RNLS: variants seen among roughly 807,000 people sequenced by gnomAD.
RNLS encodes renalase.
Under a neutral mutation model 39.8 loss-of-function variants are expected in RNLS, and 39 were observed. The ratio of observed to expected loss-of-function variants is 0.98; its 90% CI spans 0.76 to 1.28. RNLS has a LOEUF of 1.28. RNLS is among the 50% of genes most tolerant of loss of function. The pLI is 0.00. For missense variants in RNLS, 410 were observed against 413.3 expected, an observed-to-expected ratio of 0.99 and a Z score of 0.07; for synonymous variants, 147 against 150.7, an observed-to-expected ratio of 0.98 and a Z score of 0.18.
At chr10:88,418,234 T>C (rs10736351) in intron 4 of RNLS, among the ~76,000 whole-genome samples, 109,192 of 151,964 alleles carry the variant, frequency 0.72, 40,652 homozygotes, top group African/African-American at 0.93. Context: ...TTTCTTGCAA[T>C]AAATTAGTTA....
chr10:88,282,476 AATACACACACAC>A (rs1443765489), downstream of RNLS, among the ~76,000 whole-genome samples: 1 of 102,756 alleles, frequency 9.7e-6, no homozygotes, highest in East Asian at 2.7e-4. Flanking sequence ...GAAAAGTGAA[AATACACACACAC>A]ACACACACAC....
At chr10:88,333,482 C>T (rs1847264362) in intron 5 of RNLS, among the ~76,000 whole-genome samples, 2 of 152,110 alleles carry the variant, frequency 1.3e-5, no homozygotes, top group African/African-American at 4.8e-5. Flanking sequence ...ATAACGGAAA[C>T]ACAATCTTAC....
chr10:88,539,114 C>T lies in RNLS; in HGVS notation c.526+33789G>A, dbSNP rs140353227. Among the ~76,000 whole-genome samples the T allele has an allele frequency of 1.8e-4, 27 of 152,096 alleles. No individual in the cohort carries two copies. In the South Asian group the frequency reaches 4.2e-3, roughly 23 times the overall value. Reference sequence around the variant, plus strand: ...AAGATGGACAATGGATAAATTAATCCGCAAATTCAGGCAATTTTAGAGAGG... The same window carrying T: ...AAGATGGACAATGGATAAATTAATCTGCAAATTCAGGCAATTTTAGAGAGG... On this transcript the variant is annotated intron_variant, in intron 4 of 6. Transcript: ENST00000331772.
intron 4 of RNLS, among the ~76,000 whole-genome samples, chr10:88,519,404 A>G (rs985008659): frequency 2.6e-5 from 4 of 151,770 alleles, no homozygotes; most frequent in African/African-American, 9.7e-5. Flanking sequence ...AATCTTATAA[A>G]AACAACATAT....
intron 4 of RNLS, among the ~76,000 whole-genome samples, chr10:88,402,801 C>T (rs1461201871): frequency 2.6e-5 from 4 of 151,880 alleles, no homozygotes; most frequent in African/African-American, 7.2e-5. Context: ...CAAGCAGTTA[C>T]GAATGAGATA....
At chr10:88,577,532 C>A (rs1005727580) in intron 3 of RNLS, among the ~76,000 whole-genome samples, 1 of 152,140 alleles carries the variant, frequency 6.6e-6, no homozygotes, top group African/African-American at 2.4e-5. Context: ...TTAGAAACTA[C>A]ATACGTAAAG....
the RNLS span, among the ~76,000 whole-genome samples, chr10:88,236,410 GGTTTA>G: frequency 6.6e-5 from 10 of 152,168 alleles, no homozygotes; most frequent in Admixed American, 6.5e-4. Context: ...AAGCCTTGAT[GGTTTA>G]GCTTTCTTTT....
chr10:88,450,451 C>G (rs1210415770), intron 4 of RNLS, among the ~76,000 whole-genome samples: 1 of 152,156 alleles, frequency 6.6e-6, no homozygotes, highest in South Asian at 2.1e-4. Context: ...CACACTCCAG[C>G]AGGGTGTGAA....
At position 88,383,883 on chromosome 10, in the gene RNLS, T is replaced by C. The variant is rs553951188; in HGVS notation, c.527-21158A>G. On this transcript the variant is annotated intron_variant, in intron 4 of 6. Coordinates refer to ENST00000331772, the MANE Select transcript of RNLS (RefSeq NM_001031709.3). ...CTCATTATGAATCAGCATTAACAGA[T>C]GGGCATGGGCAATTGATTCTGATGA... 3.3e-5 allele frequency among the ~76,000 whole-genome samples: 5 copies of C among 152,244 alleles called. No individual in the cohort carries two copies. In the South Asian group the frequency reaches 1.0e-3, roughly 32 times the overall value.
intron 5 of RNLS, among the ~76,000 whole-genome samples, chr10:88,328,811 G>A (rs559934633): frequency 2.6e-5 from 4 of 152,080 alleles, no homozygotes; most frequent in Admixed American, 6.5e-5. Flanking sequence ...CATGAAAAGC[G>A]TCTTTCTTGG....
chr10:88,344,494 C>T (rs1359588064), intron 5 of RNLS, among the ~76,000 whole-genome samples: 4 of 151,884 alleles, frequency 2.6e-5, no homozygotes, highest in East Asian at 3.9e-4. Flanking sequence ...GGAAAAACAA[C>T]GATTGGATCT....
the RNLS span, among the ~76,000 whole-genome samples, chr10:88,207,491 T>C: frequency 6.6e-6 from 1 of 152,280 alleles, no homozygotes; most frequent in Admixed American, 6.5e-5. Flanking sequence ...ACTACACAGG[T>C]ACTAGAATAG....
intron 4 of RNLS, among the ~76,000 whole-genome samples, chr10:88,415,861 TGGA>T (rs1339631901): frequency 2.6e-5 from 4 of 152,316 alleles, no homozygotes; most frequent in African/African-American, 7.2e-5. Context: ...GATCAGGTGG[TGGA>T]GGAGAAGATA....
intron 4 of RNLS, among the ~76,000 whole-genome samples, chr10:88,517,190 A>G (rs1024275023): frequency 1.3e-5 from 2 of 152,102 alleles, no homozygotes; most frequent in Non-Finnish European, 2.9e-5. Flanking sequence ...CATCTGGGAA[A>G]CAATTATGAA....
At chr10:88,542,783 T>C (rs1409637743) in intron 4 of RNLS, among the ~76,000 whole-genome samples, 4 of 152,106 alleles carry the variant, frequency 2.6e-5, no homozygotes, top group Non-Finnish European at 4.4e-5. Context: ...AAAGGGCCCC[T>C]AGAGCAGTAA....
At chr10:88,260,165 A>G in the RNLS span, among the ~76,000 whole-genome samples, 1 of 152,188 alleles carries the variant, frequency 6.6e-6, no homozygotes, top group Non-Finnish European at 1.5e-5. Context: ...AATCCCCCTC[A>G]TAATTTCCTG....
chr10:88,250,496 C>A, the RNLS span, among the ~76,000 whole-genome samples: 1 of 152,150 alleles, frequency 6.6e-6, no homozygotes, highest in Admixed American at 6.5e-5. Flanking sequence ...GTGAGGTGGA[C>A]TGTGGGGAGC....
the RNLS span, among the ~76,000 whole-genome samples, chr10:88,208,851 T>C: frequency 6.6e-6 from 1 of 152,178 alleles, no homozygotes; most frequent in Admixed American, 6.6e-5. Flanking sequence ...ATTGTTATTA[T>C]TATTTTTTGA....
At chr10:88,449,874 G>A (rs1207290723) in intron 4 of RNLS, among the ~76,000 whole-genome samples, 1 of 151,974 alleles carries the variant, frequency 6.6e-6, no homozygotes, top group East Asian at 1.9e-4. Context: ...AAGAATGTTG[G>A]AGCTCTCTGC....
Sources: gnomAD v4.1 joint callset for allele counts (sites outside exome capture counted in the v4.1 genomes callset) on GRCh38, gnomAD v4.1.1 for gene constraint, MANE v1.5 for transcripts, NCBI Gene and HGNC (gene_info 2026-07-23, HGNC 2026-07-21) for gene names.